LRRC3B: variants seen among roughly 807,000 people sequenced by gnomAD.
LRRC3B encodes the protein leucine rich repeat containing 3B, also known as leucine-rich repeat-containing protein 3B.
A neutral mutation model predicts 12.8 loss-of-function variants in LRRC3B; 2 were observed. The observed-to-expected ratio is 0.16, with a 90% CI of 0.06 to 0.49. LRRC3B has a LOEUF of 0.49. Ranked by LOEUF, LRRC3B falls within the 20% of genes least tolerant of loss-of-function variation. The probability of loss-of-function intolerance (pLI) is 0.96; values close to 1 mark genes in which losing one functional copy is unlikely to be tolerated. For synonymous variants in LRRC3B, 132 were observed against 122.0 expected, an observed-to-expected ratio of 1.08 and a Z score of -0.54; for missense variants, 189 against 319.4, an observed-to-expected ratio of 0.59 and a Z score of 3.11.
chr3:26,706,720 C>CTGAT (rs972849757), intron 1 of LRRC3B, among the ~76,000 whole-genome samples: 2 of 152,162 alleles, frequency 1.3e-5, no homozygotes, highest in Non-Finnish European at 2.9e-5. Context: ...TGGAGAAACC[C>CTGAT]TGATTAAGTA....
intron 1 of LRRC3B, among the ~76,000 whole-genome samples, chr3:26,669,335 T>G (rs1231059861): frequency 6.6e-6 from 1 of 152,204 alleles, no homozygotes; most frequent in Non-Finnish European, 1.5e-5. Context: ...CCTTCAGTTT[T>G]TTCATTCCTT....
At chr3:26,667,372 G>C (rs556890458) in intron 1 of LRRC3B, among the ~76,000 whole-genome samples, 1 of 152,086 alleles carries the variant, frequency 6.6e-6, no homozygotes, top group Non-Finnish European at 1.5e-5. Flanking sequence ...CAAATACAGA[G>C]AGAGACCTGA....
At chr3:26,642,496 T>C (rs1438335346) in intron 1 of LRRC3B, among the ~76,000 whole-genome samples, 2 of 152,068 alleles carry the variant, frequency 1.3e-5, no homozygotes, top group African/African-American at 4.8e-5. Context: ...TCATAACCCA[T>C]AGGATGTGGG....
chr3:26,650,310 T>C (rs1441295926), intron 1 of LRRC3B, among the ~76,000 whole-genome samples: 4 of 152,218 alleles, frequency 2.6e-5, no homozygotes, highest in African/African-American at 9.6e-5. Flanking sequence ...GCTTTTCTGT[T>C]GAGTCTCAGT....
At position 26,629,971 on chromosome 3, in the gene LRRC3B, CAA is replaced by C. The variant is rs35195778; in HGVS notation, c.-161+6753_-161+6754del. Among the ~76,000 whole-genome samples, 519 of 93,344 alleles carry C rather than the reference CAA, an allele frequency of 5.6e-3. 3 individuals are homozygous for C. The highest frequency in any genetic ancestry group is 0.012 in the African/African-American group (330 of 27,376). 61.2% of individuals were successfully genotyped at this position (93,344 alleles called of 152,430 possible). Reference sequence around the variant, plus strand: ...AGAAAGAGGTGTAAGAGAAGCATGGCAAAAAAAAAAAAAAAAAAAATCTATCC... The same window carrying C: ...AGAAAGAGGTGTAAGAGAAGCATGGCAAAAAAAAAAAAAAAAAATCTATCC... On this transcript the variant is annotated intron_variant, in intron 1 of 1. Coordinates refer to ENST00000396641, the Ensembl canonical transcript of LRRC3B.
intron 1 of LRRC3B, among the ~76,000 whole-genome samples, chr3:26,707,532 C>T (rs1312681887): frequency 1.3e-5 from 2 of 152,134 alleles, no homozygotes; most frequent in African/African-American, 4.8e-5. Flanking sequence ...TGCCAAACTC[C>T]TTTAATGAAT....
intron 1 of LRRC3B, among the ~76,000 whole-genome samples, chr3:26,640,502 G>T (rs1015443663): frequency 6.7e-6 from 1 of 150,202 alleles, no homozygotes; most frequent in Non-Finnish European, 1.5e-5. Flanking sequence ...CCCCAGCTTA[G>T]AAATAAAGAA....
intron 1 of LRRC3B, among the ~76,000 whole-genome samples, chr3:26,640,319 C>T (rs891938859): frequency 2.6e-5 from 4 of 151,780 alleles, no homozygotes; most frequent in African/African-American, 9.7e-5. Context: ...TGCCCCAAGT[C>T]TGCAAATCAG....
chr3:26,639,733 G>A (rs1448041723), intron 1 of LRRC3B, among the ~76,000 whole-genome samples: 3 of 152,100 alleles, frequency 2.0e-5, no homozygotes, highest in African/African-American at 4.8e-5. Flanking sequence ...AAATGTTAGA[G>A]TCCTGCTTGT....
At chr3:26,640,056 A>T (rs1698990541) in intron 1 of LRRC3B, among the ~76,000 whole-genome samples, 1 of 152,196 alleles carries the variant, frequency 6.6e-6, no homozygotes, top group South Asian at 2.1e-4. Flanking sequence ...CCCACAAGGC[A>T]GCCATCACTT....
At chr3:26,684,452 A>G (rs1700031802) in intron 1 of LRRC3B, among the ~76,000 whole-genome samples, 1 of 152,124 alleles carries the variant, frequency 6.6e-6, no homozygotes, top group African/African-American at 2.4e-5. Context: ...CAGCTCTCTT[A>G]CTGACTGCCT....
intron 1 of LRRC3B, among the ~76,000 whole-genome samples, chr3:26,664,092 C>T (rs932505952): frequency 1.3e-5 from 2 of 152,074 alleles, no homozygotes; most frequent in African/African-American, 2.4e-5. Context: ...CCAATTTTTT[C>T]ACTTTATCAT....
At chr3:26,678,321 C>CCATCT (rs1446060863) in intron 1 of LRRC3B, among the ~76,000 whole-genome samples, 1 of 151,918 alleles carries the variant, frequency 6.6e-6, no homozygotes, top group African/African-American at 2.4e-5. Context: ...TGACAAAACC[C>CCATCT]CATCTCTACT....
chr3:26,692,190 C>T (rs1353353947), intron 1 of LRRC3B, among the ~76,000 whole-genome samples: 1 of 152,040 alleles, frequency 6.6e-6, no homozygotes, highest in Non-Finnish European at 1.5e-5. Context: ...TCCTTTCTAC[C>T]AATAGAAGAA....
intron 1 of LRRC3B, among the ~76,000 whole-genome samples, chr3:26,669,556 C>T (rs905284433): frequency 1.3e-5 from 2 of 152,194 alleles, no homozygotes; most frequent in Non-Finnish European, 2.9e-5. Context: ...TGTAGCTGAA[C>T]TCCAATTTTC....
intron 1 of LRRC3B, among the ~76,000 whole-genome samples, chr3:26,654,235 T>C (rs966408670): frequency 2.6e-5 from 4 of 152,180 alleles, no homozygotes; most frequent in African/African-American, 9.7e-5. Context: ...TGCTATTCCA[T>C]CTATACTAAG....
At chr3:26,707,142 A>T (rs1700612821) in intron 1 of LRRC3B, among the ~76,000 whole-genome samples, 2 of 151,610 alleles carry the variant, frequency 1.3e-5, no homozygotes, top group East Asian at 3.9e-4. Context: ...ACTTAAGGTC[A>T]GGAGTTCAAG....
At chr3:26,683,758 T>C (rs1423514764) in intron 1 of LRRC3B, among the ~76,000 whole-genome samples, 1 of 152,232 alleles carries the variant, frequency 6.6e-6, no homozygotes, top group East Asian at 1.9e-4. Context: ...CCTTGCCAGC[T>C]TTCCATTTTC....
At position 26,636,936 on chromosome 3, in the gene LRRC3B, T is replaced by C. The variant is rs527481977; in HGVS notation, c.-161+13699T>C. ...TTTCTCTCTTTCTTTCTTTCTTTCT[T>C]TCTTTCTTTCTTTCTTTCTTTCTTT... On this transcript the variant is annotated intron_variant, in intron 1 of 1. Coordinates refer to ENST00000396641, the Ensembl canonical transcript of LRRC3B. Among the ~76,000 whole-genome samples the C allele has an allele frequency of 1.8e-3, 191 of 105,344 alleles. 1 individual carries two copies. The highest frequency in any genetic ancestry group is 4.9e-3 in the Middle Eastern group (1 of 206). The allele number at this position is 105,344 out of a possible 152,430, so 69.1% of individuals were successfully genotyped here.
Sources: allele counts gnomAD v4.1 joint callset (sites outside exome capture counted in the v4.1 genomes callset), GRCh38; gene constraint gnomAD v4.1.1; transcripts MANE v1.5; gene names NCBI Gene and HGNC (gene_info 2026-07-23, HGNC 2026-07-21).